Variants in MALRD1 observed in about 807,000 individuals in gnomAD.
MALRD1 encodes the protein MAM and LDL receptor class A domain containing 1, also known as MAM and LDL-receptor class A domain-containing protein 1.
A neutral mutation model predicts 242.1 loss-of-function variants in MALRD1; 247 were observed. The observed-to-expected ratio is 1.02, with a 90% confidence interval of 0.92 to 1.13. MALRD1 has a LOEUF of 1.13. MALRD1 is among the 50% of genes most tolerant of loss of function. The pLI is 0.00. For missense variants in MALRD1, 2,989 were observed against 2,533.1 expected (o/e 1.18, Z -3.86); for synonymous variants, 995 against 866.6 (o/e 1.15, Z -2.60).
chr10:19,216,115 C>CTTTTTTTTTTTTTTTTTTTTTTTTTT (rs1203339393), intron 18 of MALRD1, among the ~76,000 whole-genome samples: 1 of 114,314 alleles, frequency 8.7e-6, no homozygotes, highest in African/African-American at 2.9e-5. Flanking sequence ...TTCTTTCTTT[C>CTTTTTTTTTTTTTTTTTTTTTTTTTT]TTTCTTTTTT....
chr10:19,625,552 G>T (rs1480291245), intron 36 of MALRD1, among the ~76,000 whole-genome samples: 1 of 151,940 alleles, frequency 6.6e-6, no homozygotes, highest in East Asian at 1.9e-4. Flanking sequence ...CTAAAAACAG[G>T]CAGACCCGGG....
intron 28 of MALRD1, among the ~76,000 whole-genome samples, chr10:19,427,567 C>G (rs1012482080): frequency 1.3e-5 from 2 of 152,090 alleles, no homozygotes; most frequent in African/African-American, 4.8e-5. Flanking sequence ...GCACGGACAT[C>G]AAATTCAAAC....
At chr10:19,172,624 G>A (rs573469742) in intron 13 of MALRD1, among the ~76,000 whole-genome samples, 14 of 151,174 alleles carry the variant, frequency 9.3e-5, no homozygotes, top group South Asian at 2.1e-4. Flanking sequence ...TAATGTGAGC[G>A]TGTACCTCTT....
chr10:19,676,070 G>A (rs527928642), intron 36 of MALRD1, among the ~76,000 whole-genome samples: 1 of 152,308 alleles, frequency 6.6e-6, no homozygotes, highest in South Asian at 2.1e-4. Context: ...CTTGAAGTAT[G>A]AGAGTATGTT....
At chr10:19,305,280 G>A (rs562634699) in intron 21 of MALRD1, among the ~76,000 whole-genome samples, 162 of 151,716 alleles carry the variant, frequency 1.1e-3, no homozygotes, top group Non-Finnish European at 1.6e-3. Flanking sequence ...TTAATGTGCA[G>A]TACTACTTTT....
intron 36 of MALRD1, among the ~76,000 whole-genome samples, chr10:19,663,572 G>C (rs1223950804): frequency 6.6e-6 from 1 of 152,006 alleles, no homozygotes; most frequent in Non-Finnish European, 1.5e-5. Flanking sequence ...TCAATTAGTG[G>C]TTCTAGTTTT....
intron 18 of MALRD1, among the ~76,000 whole-genome samples, chr10:19,237,774 C>T (rs183542075): frequency 6.3e-4 from 65 of 102,862 alleles, no homozygotes; most frequent in African/African-American, 2.2e-3. Flanking sequence ...TATATAAAAA[C>T]ATAATTATTT....
chr10:19,098,473 CCTCA>C (rs1294700979), intron 4 of MALRD1, among the ~76,000 whole-genome samples: 1 of 151,822 alleles, frequency 6.6e-6, no homozygotes, highest in Non-Finnish European at 1.5e-5. Context: ...AAAATTCTAC[CCTCA>C]CTCTTCAAAA....
chr10:19,538,434 C>T (rs562748991), intron 32 of MALRD1, among the ~76,000 whole-genome samples: 1 of 152,246 alleles, frequency 6.6e-6, no homozygotes, highest in African/African-American at 2.4e-5. Flanking sequence ...TTCTTTCTGT[C>T]TTTCAGTTAC....
intron 26 of MALRD1, among the ~76,000 whole-genome samples, chr10:19,368,045 A>G (rs920750935): frequency 2.0e-5 from 3 of 152,050 alleles, no homozygotes; most frequent in African/African-American, 7.2e-5. Flanking sequence ...AACATTTTCA[A>G]TTCAACAGGC....
chr10:19,232,906 T>C (rs1838147036), intron 18 of MALRD1, among the ~76,000 whole-genome samples: 1 of 152,216 alleles, frequency 6.6e-6, no homozygotes, highest in African/African-American at 2.4e-5. Flanking sequence ...TTCACACTTT[T>C]ACTTAATAGC....
chr10:19,195,745 T>C (rs1285916631), intron 14 of MALRD1, among the ~76,000 whole-genome samples: 2 of 152,046 alleles, frequency 1.3e-5, no homozygotes, highest in East Asian at 1.9e-4. Flanking sequence ...TGGCTAGAGA[T>C]GGAAAAACAA....
At chr10:19,565,541 G>T (rs1836214000) in intron 32 of MALRD1, among the ~76,000 whole-genome samples, 1 of 152,090 alleles carries the variant, frequency 6.6e-6, no homozygotes, top group African/African-American at 2.4e-5. Flanking sequence ...ATTAGGTTCT[G>T]TATAGTATGC....
intron 24 of MALRD1, among the ~76,000 whole-genome samples, chr10:19,336,886 A>G (rs1365793955): frequency 6.6e-6 from 1 of 152,112 alleles, no homozygotes; most frequent in Non-Finnish European, 1.5e-5. Context: ...AAAAATAAAG[A>G]CAAAACTATT....
At position 19,531,289 on chromosome 10, in the gene MALRD1, G is replaced by A. The variant is rs761216383; in HGVS notation, c.5416G>A (p.Gly1806Arg). 3 of 1,550,308 alleles carry A rather than the reference G, an allele frequency of 1.9e-6. No individual in the cohort carries two copies. The highest frequency in any genetic ancestry group is 1.7e-4 in the Middle Eastern group (1 of 5,990). The change falls in exon 32 of 40, where the codon GGA (glycine) becomes AGA (arginine). Residue 1806 changes from glycine to arginine, a missense_variant. Gly to Arg is a moderately radical substitution (Grantham distance 125). Transcript: ENST00000454679. ...TTCCAAATCCTTCCCAGCAAGCCTT[G>A]GAATGTGTACTGTTCGGTTCTGGTT... Reference protein sequence around the residue: ...TTSKSFPASLGMCTVRFWFYM... With the variant: ...TTSKSFPASLRMCTVRFWFYM...
At chr10:19,281,066 G>C (rs1840780376) in intron 20 of MALRD1, among the ~76,000 whole-genome samples, 1 of 152,048 alleles carries the variant, frequency 6.6e-6, no homozygotes, top group Admixed American at 6.5e-5. Flanking sequence ...AATCCAGTGA[G>C]GTTCATATTT....
chr10:19,359,404 A>G (rs1328650511), intron 26 of MALRD1, among the ~76,000 whole-genome samples: 1 of 152,108 alleles, frequency 6.6e-6, no homozygotes, highest in East Asian at 1.9e-4. Flanking sequence ...TCCATTCCAA[A>G]TACAAGTTCC....
At chr10:19,109,170 G>A (rs1023195964) in intron 5 of MALRD1, among the ~76,000 whole-genome samples, 2 of 152,178 alleles carry the variant, frequency 1.3e-5, no homozygotes, top group African/African-American at 4.8e-5. Context: ...GGTTATAGGA[G>A]TTTGTGCAGC....
chr10:19,077,415 T>C (rs1455785037), intron 2 of MALRD1, among the ~76,000 whole-genome samples: 2 of 151,922 alleles, frequency 1.3e-5, no homozygotes, highest in African/African-American at 4.8e-5. Context: ...TGCACACCCA[T>C]TTCAGGCCAA....
Sources: allele counts gnomAD v4.1 joint callset (sites outside exome capture counted in the v4.1 genomes callset), GRCh38; gene constraint gnomAD v4.1.1; transcripts MANE v1.5; gene names NCBI Gene and HGNC (gene_info 2026-07-23, HGNC 2026-07-21).